The following USP34 variants were observed in gnomAD, a reference collection of about 807,000 sequenced individuals.
The protein encoded by USP34 is ubiquitin carboxyl-terminal hydrolase 34.
In USP34, 70 loss-of-function variants were observed where a neutral mutation model predicts 460.3. The ratio of observed to expected loss-of-function variants is 0.15; its 90% CI spans 0.13 to 0.19. USP34 has a LOEUF of 0.19. Among genes scored for constraint, USP34 ranks in the 10% least tolerant of loss-of-function variants. The pLI, the probability that USP34 is intolerant of heterozygous loss-of-function variation, is 1.00. For missense variants in USP34, 3,985 were observed against 4,236.2 expected (o/e 0.94, Z 1.65); for synonymous variants, 1,647 against 1,405.3 (o/e 1.17, Z -3.85).
intron 1 of USP34, among the ~76,000 whole-genome samples, chr2:61,448,478 G>T (rs748524682): frequency 1.3e-5 from 2 of 152,158 alleles, no homozygotes; most frequent in African/African-American, 4.8e-5. Flanking sequence ...AAAATGCAAA[G>T]AATATCTTAT....
intron 67 of USP34, chr2:61,220,084 A>C: frequency 2.5e-6 from 1 of 397,876 alleles, no homozygotes. Flanking sequence ...TATCACTCTT[A>C]TCAAGCAAGG....
At chr2:61,304,072 AT>A (rs1390387974) in intron 27 of USP34, among the ~76,000 whole-genome samples, 2 of 151,764 alleles carry the variant, frequency 1.3e-5, no homozygotes. Context: ...TAATTTTTGT[AT>A]TTTTAGTAGA....
chr2:61,426,019 C>T (rs1310393357), intron 1 of USP34, among the ~76,000 whole-genome samples: 1 of 152,034 alleles, frequency 6.6e-6, no homozygotes. Context: ...TACACACACC[C>T]TGGGCCAGAA....
intron 21 of USP34, among the ~76,000 whole-genome samples, chr2:61,320,153 G>C (rs1351808874): frequency 6.6e-6 from 1 of 152,166 alleles, no homozygotes; most frequent in Non-Finnish European, 1.5e-5. Flanking sequence ...ATATGATAGA[G>C]CTTACAAATT....
At chr2:61,241,473 T>G in intron 53 of USP34, 87 bp downstream of exon 53, 1 of 911,134 alleles carries the variant, frequency 1.1e-6, no homozygotes, top group Non-Finnish European at 1.6e-6. Flanking sequence ...GATATCAACC[T>G]GTAGAACCTG....
chr2:61,356,118 G>A (rs762738652), intron 10 of USP34, among the ~76,000 whole-genome samples: 212 of 151,636 alleles, frequency 1.4e-3, no homozygotes, highest in Non-Finnish European at 1.9e-3. Context: ...TCACTACAGC[G>A]TTATTCCTAA....
At chr2:61,441,243 T>C (rs189159477) in intron 1 of USP34, among the ~76,000 whole-genome samples, 28 of 151,476 alleles carry the variant, frequency 1.8e-4, no homozygotes, top group African/African-American at 6.5e-4. Context: ...GCTCAAGTGA[T>C]CCTCCTGCCT....
chr2:61,253,048 T>C (rs924261330), intron 48 of USP34, among the ~76,000 whole-genome samples: 1 of 152,158 alleles, frequency 6.6e-6, no homozygotes, highest in Admixed American at 6.5e-5. Flanking sequence ...GTAAAATGAA[T>C]AGATTGAGAA....
chr2:61,297,081 T>C (rs1690052703), intron 29 of USP34, among the ~76,000 whole-genome samples, 156 bp from the exon 30 acceptor site: 1 of 152,246 alleles, frequency 6.6e-6, no homozygotes, highest in Non-Finnish European at 1.5e-5. Flanking sequence ...ATGATACATA[T>C]TTGAGAAAAT....
intron 32 of USP34, 26 bp from the exon 33 acceptor site, chr2:61,293,576 T>G: frequency 1.3e-6 from 2 of 1,577,020 alleles, no homozygotes; most frequent in Non-Finnish European, 1.7e-6. Context: ...AAAGTAATAG[T>G]AAGAGAAAAG....
chr2:61,404,765 T>A (rs904912360), intron 3 of USP34, among the ~76,000 whole-genome samples: 20 of 152,172 alleles, frequency 1.3e-4, no homozygotes, highest in Non-Finnish European at 2.6e-4. Flanking sequence ...TGAGGAATAA[T>A]AAACCACTGT....
chr2:61,195,300 C>G (rs1489672138), intron 75 of USP34, among the ~76,000 whole-genome samples: 1 of 150,868 alleles, frequency 6.6e-6, no homozygotes, highest in African/African-American at 2.4e-5. Flanking sequence ...TTGCATTGGC[C>G]TTTGAAAGTG....
rs955745511 is a variant in USP34, at chr2:61,378,339, A to G, written c.1076+24T>C. On this transcript the variant is annotated intron_variant, in intron 8 of 79. Transcript: ENST00000398571. ...CTGTACATTAAAATGGTATACTTAT[A>G]TATAAATTAATGCTCCTACTTACGT... 5 of 1,493,432 alleles carry G rather than the reference A, an allele frequency of 3.3e-6. No individual in the cohort carries two copies. In the African/African-American group the frequency reaches 4.2e-5, roughly 13 times the overall value. The allele number at this position is 1,493,432 out of a possible 1,614,324, so 92.5% of individuals were successfully genotyped here. A position where few individuals can be genotyped will look rare whatever the true frequency, so the allele number is the denominator to read the frequency against.
At chr2:61,460,130 A>T (rs1173161534) in intron 1 of USP34, among the ~76,000 whole-genome samples, 6 of 152,208 alleles carry the variant, frequency 3.9e-5, no homozygotes, top group African/African-American at 7.2e-5. Flanking sequence ...CTTAGTTTCC[A>T]AGCTTATTAA....
intron 50 of USP34, 26 bp downstream of exon 50, chr2:61,246,298 G>A (rs1303303127): frequency 2.7e-6 from 4 of 1,485,374 alleles, no homozygotes; most frequent in Non-Finnish European, 2.7e-6. Flanking sequence ...AATTGTTAAA[G>A]AAGTTTTGAA....
chr2:61,374,851 G>A (rs891165361), intron 8 of USP34, among the ~76,000 whole-genome samples: 2 of 152,206 alleles, frequency 1.3e-5, no homozygotes, highest in African/African-American at 2.4e-5. Flanking sequence ...TTACAGGCAT[G>A]AGCCACTGCA....
In USP34 at chr2:61,356,768, A is replaced by G. The variant is rs539017885; in HGVS notation, c.1252-6075T>C. Among the ~76,000 whole-genome samples, 278 of 152,334 alleles carry G rather than the reference A, an allele frequency of 1.8e-3. 7 individuals carry two copies. Among genetic ancestry groups the G allele is most frequent in the Admixed American group, 0.018 (276 of 15,306 alleles). On this transcript the variant is annotated intron_variant, in intron 10 of 79. Transcript: ENST00000398571. ...ATGGGTACAGAGTTTCAGTTTTGCA[A>G]TATAAATAAGTTCTAGAGATCTATT...
At chr2:61,248,217 A>G (rs1424463304) in intron 49 of USP34, among the ~76,000 whole-genome samples, 1 of 151,624 alleles carries the variant, frequency 6.6e-6, no homozygotes, top group Non-Finnish European at 1.5e-5. Context: ...CCCCCACAAA[A>G]AACAACATAA....
At position 61,406,137 on chromosome 2, in the gene USP34, G is replaced by GA. The variant is rs757172015; in HGVS notation, c.132-10dup. 17 of 1,504,202 alleles carry GA rather than the reference G, an allele frequency of 1.1e-5. No individual in the cohort carries two copies. Among genetic ancestry groups the GA allele is most frequent in the African/African-American group, 5.7e-5 (4 of 70,412 alleles). The allele number at this position is 1,504,202 out of a possible 1,614,324, so 93.2% of individuals were successfully genotyped here. On this transcript the variant is annotated splice_polypyrimidine_tract_variant and intron_variant, in intron 2 of 79. Coordinates refer to ENST00000398571, the MANE Select transcript of USP34 (RefSeq NM_014709.4). Reference sequence around the variant, plus strand: ...AGCAGCATAGACATTGCCTATAAGAGAAAAAAAATTGAATAAATTAGTAAT... The same window carrying GA: ...AGCAGCATAGACATTGCCTATAAGAGAAAAAAAAATTGAATAAATTAGTAAT...
Sources: allele counts gnomAD v4.1 joint callset (sites outside exome capture counted in the v4.1 genomes callset), GRCh38; gene constraint gnomAD v4.1.1; transcripts MANE v1.5; gene names NCBI Gene and HGNC (gene_info 2026-07-23, HGNC 2026-07-21).